The following MCPH1 variants were observed in gnomAD, a reference collection of about 807,000 sequenced individuals.
MCPH1 encodes the protein microcephalin 1, also known as microcephalin.
Under a neutral mutation model 84.5 loss-of-function variants are expected in MCPH1, and 104 were observed. The observed-to-expected ratio is 1.23, with a 90% CI of 1.05 to 1.45. MCPH1 has a LOEUF of 1.45. Ranked by LOEUF, MCPH1 falls within the 40% of genes most tolerant of loss-of-function variation. MCPH1 has a pLI of 0.00. For missense variants in MCPH1, 1,498 were observed against 1,005.7 expected, an observed-to-expected ratio of 1.49 and a Z score of -6.62; for synonymous variants, 514 against 366.8, an observed-to-expected ratio of 1.40 and a Z score of -4.58.
At chr8:6,561,405 A>T (rs572478039) in intron 12 of MCPH1, among the ~76,000 whole-genome samples, 1 of 152,348 alleles carries the variant, frequency 6.6e-6, no homozygotes, top group East Asian at 1.9e-4. Context: ...CATGACTCAA[A>T]TAATAACTTA....
intron 11 of MCPH1, among the ~76,000 whole-genome samples, chr8:6,497,983 C>G (rs1349352346): frequency 6.6e-6 from 1 of 152,130 alleles, no homozygotes; most frequent in Non-Finnish European, 1.5e-5. Context: ...CCTTCCCTGC[C>G]TTGAACAGGA....
chr8:6,458,178 G>T (rs1021526417), intron 9 of MCPH1, among the ~76,000 whole-genome samples: 1 of 152,126 alleles, frequency 6.6e-6, no homozygotes, highest in Non-Finnish European at 1.5e-5. Context: ...AAGGCTTAAA[G>T]TCCTGATTTG....
chr8:6,451,516 T>C (rs958097271), intron 8 of MCPH1, among the ~76,000 whole-genome samples: 1 of 152,076 alleles, frequency 6.6e-6, no homozygotes, highest in Non-Finnish European at 1.5e-5. Flanking sequence ...GAATGACCTC[T>C]ACAACGATTA....
chr8:6,469,721 T>G (rs1387212561), intron 9 of MCPH1, among the ~76,000 whole-genome samples: 2 of 152,236 alleles, frequency 1.3e-5, no homozygotes, highest in Non-Finnish European at 2.9e-5. Flanking sequence ...ATGTTTCTAT[T>G]TATCACTAAT....
chr8:6,563,903 G>C (rs1586647439), intron 12 of MCPH1, among the ~76,000 whole-genome samples: 1 of 150,664 alleles, frequency 6.6e-6, no homozygotes, highest in South Asian at 2.1e-4. Context: ...AAAATACACT[G>C]TACTGATTAA....
At chr8:6,444,172 C>A (rs538815205) in intron 7 of MCPH1, among the ~76,000 whole-genome samples, 37 of 152,196 alleles carry the variant, frequency 2.4e-4, no homozygotes, top group African/African-American at 8.7e-4. Context: ...TCTTCTCTAT[C>A]CCCACTGCTA....
Position 6,529,711 on chromosome 8 carries a change from CA to C in MCPH1, c.2214+29783del, listed in dbSNP as rs1372946410. 4.0e-5 allele frequency among the ~76,000 whole-genome samples: 6 copies of C among 150,900 alleles called. No homozygotes were observed. In the East Asian group the frequency reaches 1.2e-3, roughly 29 times the overall value. On this transcript the variant is annotated intron_variant, in intron 12 of 13. Transcript: ENST00000344683. The stretch of plus-strand genomic sequence containing the variant: ...GACTCCTGATCTCAAGCGATCCACC[CA>C]CCTCGGCCTCTCAAAGTGCTAGGAT...
chr8:6,640,660 G>A (rs1015186426), intron 13 of MCPH1, among the ~76,000 whole-genome samples: 3 of 152,130 alleles, frequency 2.0e-5, no homozygotes, highest in Admixed American at 2.0e-4. Context: ...GTATTACCAA[G>A]TTTTTAATTT....
chr8:6,494,881 G>T (rs1372463206), intron 11 of MCPH1, among the ~76,000 whole-genome samples: 1 of 152,098 alleles, frequency 6.6e-6, no homozygotes, highest in Non-Finnish European at 1.5e-5. Flanking sequence ...CTTTAAAATG[G>T]TTAATTGTAT....
At chr8:6,453,152 A>G (rs554747933) in intron 8 of MCPH1, among the ~76,000 whole-genome samples, 48 of 152,362 alleles carry the variant, frequency 3.2e-4, no homozygotes, top group African/African-American at 1.2e-3. Context: ...AGAGTCAGGA[A>G]GAGGAGGGTA....
At chr8:6,497,128 G>A (rs545791236) in intron 11 of MCPH1, among the ~76,000 whole-genome samples, 30 of 152,122 alleles carry the variant, frequency 2.0e-4, no homozygotes, top group African/African-American at 4.3e-4. Flanking sequence ...AACATTTACC[G>A]ATATTTAGCT....
At chr8:6,505,859 TA>T (rs1474159915) in intron 12 of MCPH1, among the ~76,000 whole-genome samples, 5 of 137,912 alleles carry the variant, frequency 3.6e-5, no homozygotes, top group African/African-American at 1.3e-4. Flanking sequence ...TATGTATATA[TA>T]AAAACATACA....
intron 8 of MCPH1, among the ~76,000 whole-genome samples, chr8:6,453,859 G>C (rs1380308098): frequency 1.3e-5 from 2 of 152,114 alleles, no homozygotes; most frequent in Non-Finnish European, 2.9e-5. Context: ...TTTGAGTCTC[G>C]AGTGGATTCA....
chr8:6,541,354 G>C (rs533233861), intron 12 of MCPH1, among the ~76,000 whole-genome samples: 1 of 152,310 alleles, frequency 6.6e-6, no homozygotes, highest in East Asian at 1.9e-4. Flanking sequence ...GGGTAACTCG[G>C]GGCCACGTGG....
chr8:6,406,940 T>G, intron 1 of MCPH1: 1 of 472,442 alleles, frequency 2.1e-6, no homozygotes, highest in Non-Finnish European at 3.8e-6. Context: ...CCGTGCTCCC[T>G]GTCCCCCCAA....
intron 12 of MCPH1, chr8:6,507,490 T>C (rs937729591): frequency 2.6e-5 from 4 of 152,208 alleles, no homozygotes; most frequent in African/African-American, 9.6e-5. Flanking sequence ...CACTTTTTTC[T>C]TGTCTCAGTC....
intron 12 of MCPH1, chr8:6,502,463 A>C (rs1250397501): frequency 6.6e-6 from 1 of 152,240 alleles, no homozygotes; most frequent in African/African-American, 2.4e-5. Flanking sequence ...TTTGAGCATT[A>C]ACTTATAACT....
intron 12 of MCPH1, among the ~76,000 whole-genome samples, chr8:6,548,452 G>A (rs541271715): frequency 4.6e-5 from 7 of 152,216 alleles, no homozygotes; most frequent in African/African-American, 1.2e-4. Context: ...CCCAGTGGTC[G>A]CTAGCTCTCC....
chr8:6,585,583 T>C (rs1173255789), intron 12 of MCPH1, among the ~76,000 whole-genome samples: 1 of 152,234 alleles, frequency 6.6e-6, no homozygotes, highest in Non-Finnish European at 1.5e-5. Flanking sequence ...GAGAGAATAC[T>C]GTATTTGTTT....
Sources: gnomAD v4.1 joint callset for allele counts (sites outside exome capture counted in the v4.1 genomes callset) on GRCh38, gnomAD v4.1.1 for gene constraint, MANE v1.5 for transcripts, NCBI Gene and HGNC (gene_info 2026-07-23, HGNC 2026-07-21) for gene names.